The following MRAP2 variants were observed in gnomAD, a reference collection of about 807,000 sequenced individuals.
MRAP2 encodes the protein melanocortin 2 receptor accessory protein 2, also known as melanocortin-2 receptor accessory protein 2.
In MRAP2, 20 loss-of-function variants were observed where a neutral mutation model predicts 17.4. The ratio of observed to expected loss-of-function variants is 1.15; its 90% CI spans 0.81 to 1.67. The LOEUF (loss-of-function observed/expected upper bound fraction) is 1.67. Ranked by LOEUF, MRAP2 falls within the 40% of genes most tolerant of loss-of-function variation. MRAP2 has a pLI of 0.00. For missense variants in MRAP2, 238 were observed against 240.0 expected, an observed-to-expected ratio of 0.99 and a Z score of 0.05; for synonymous variants, 96 against 88.4, an observed-to-expected ratio of 1.09 and a Z score of -0.48.
intron 1 of MRAP2, among the ~76,000 whole-genome samples, chr6:84,049,942 A>G (rs1317274370): frequency 6.6e-6 from 1 of 151,928 alleles, no homozygotes; most frequent in African/African-American, 2.4e-5. Context: ...TGTGGGAAGT[A>G]TGTCCATTTG....
At chr6:84,086,214 G>A (rs900954869) in intron 3 of MRAP2, among the ~76,000 whole-genome samples, 2 of 152,168 alleles carry the variant, frequency 1.3e-5, no homozygotes, top group Non-Finnish European at 2.9e-5. Flanking sequence ...AGAAGACAAA[G>A]TTTTTTAAAG....
chr6:84,067,216 C>A (rs1018522851), intron 3 of MRAP2, among the ~76,000 whole-genome samples: 1 of 152,218 alleles, frequency 6.6e-6, no homozygotes, highest in African/African-American at 2.4e-5. Flanking sequence ...GCTGTTAATT[C>A]ATTCCTTTTT....
chr6:84,062,678 C>G, intron 2 of MRAP2: 5 of 985,350 alleles, frequency 5.1e-6, no homozygotes, highest in Non-Finnish European at 6.0e-6. Context: ...GGCCTAAATC[C>G]CTTCATGCTA....
At chr6:84,111,831 C>T in the MRAP2 span, among the ~76,000 whole-genome samples, 2 of 152,188 alleles carry the variant, frequency 1.3e-5, no homozygotes, top group East Asian at 1.9e-4. Flanking sequence ...TGAATTTTGT[C>T]GAAGGCCTTT....
chr6:84,047,177 G>T (rs2099489257), intron 1 of MRAP2, among the ~76,000 whole-genome samples: 1 of 151,778 alleles, frequency 6.6e-6, no homozygotes, highest in East Asian at 1.9e-4. Context: ...TAAATTATTT[G>T]TATTATTTAA....
the MRAP2 span, among the ~76,000 whole-genome samples, chr6:84,138,108 A>G: frequency 1.9e-3 from 294 of 152,332 alleles, 1 homozygote; most frequent in African/African-American, 6.8e-3. Context: ...AAAACACATA[A>G]GCAATCAAAA....
Position 84,073,167 on chromosome 6 carries a change from C to T in MRAP2, c.227+10175C>T, listed in dbSNP as rs1382448946. On this transcript the variant is annotated intron_variant, in intron 3 of 3. Coordinates refer to ENST00000257776, the MANE Select transcript of MRAP2 (RefSeq NM_138409.4). Reference sequence around the variant, plus strand: ...TCCCTGTGGTGTTTCTCCCCCTGATCCCCTGGCTCCTCTGGCCGCCCTGCC... The same window carrying T: ...TCCCTGTGGTGTTTCTCCCCCTGATTCCCTGGCTCCTCTGGCCGCCCTGCC... Among the ~76,000 whole-genome samples, 5 of 152,318 alleles carry T rather than the reference C, an allele frequency of 3.3e-5. No homozygotes were observed. In the East Asian group the frequency reaches 9.7e-4, roughly 29 times the overall value.
upstream of MRAP2, among the ~76,000 whole-genome samples, chr6:84,033,426 CA>C (rs2099485059): frequency 1.3e-5 from 2 of 152,200 alleles, no homozygotes; most frequent in Admixed American, 6.5e-5. Context: ...AACTTGAACT[CA>C]ATGCTGCCGA....
Position 84,090,204 on chromosome 6 carries a change from G to A in MRAP2, c.*723G>A, listed in dbSNP as rs1466678692. 1 of 152,200 alleles carries A rather than the reference G, an allele frequency of 6.6e-6. No individual in the cohort carries two copies. 9.4% of individuals were successfully genotyped at this position (152,200 alleles called of 1,614,324 possible). A position where few individuals can be genotyped will look rare whatever the true frequency, so the allele number is the denominator to read the frequency against. On this transcript the variant is annotated 3_prime_UTR_variant, in exon 4 of 4. Coordinates refer to ENST00000257776, the MANE Select transcript of MRAP2 (RefSeq NM_138409.4). Reference sequence around the variant, plus strand: ...GCTATACATAAAACAGTATAAACTAGGGTACTGCCTCGTATCTCTTGTAGG... The same window carrying A: ...GCTATACATAAAACAGTATAAACTAAGGTACTGCCTCGTATCTCTTGTAGG...
At chr6:84,116,882 G>T in the MRAP2 span, among the ~76,000 whole-genome samples, 1 of 152,036 alleles carries the variant, frequency 6.6e-6, no homozygotes, top group Non-Finnish European at 1.5e-5. Context: ...TGCTGAATTT[G>T]GTTTGCCAGT....
At chr6:84,062,725 C>T in intron 2 of MRAP2, 168 bp from the exon 3 acceptor site, 1 of 985,352 alleles carries the variant, frequency 1.0e-6, no homozygotes, top group Non-Finnish European at 1.2e-6. Context: ...CAGACTCTTC[C>T]CTCCTCCTCA....
rs1418907866 is a variant in MRAP2 at position 84,063,010 on chromosome 6, C to G, written c.227+18C>G. 10 of 1,613,858 alleles carry G rather than the reference C, an allele frequency of 6.2e-6. No individual in the cohort carries two copies. The highest frequency in any genetic ancestry group is 4.5e-5 in the East Asian group (2 of 44,886). On this transcript the variant is annotated intron_variant, in intron 3 of 3. Transcript: ENST00000257776. The stretch of plus-strand genomic sequence containing the variant: ...CACCAAGAGTAAGTTTGGGCTGTTC[C>G]TAAATGTCTCTTAAGCCTCACAGGA...
chr6:84,098,244 T>A, the MRAP2 span, among the ~76,000 whole-genome samples: 1 of 152,198 alleles, frequency 6.6e-6, no homozygotes, highest in Non-Finnish European at 1.5e-5. Flanking sequence ...TCATTCAGCG[T>A]AATTATTTTG....
chr6:84,052,296 G>A (rs1375898680), intron 1 of MRAP2, among the ~76,000 whole-genome samples: 1 of 152,260 alleles, frequency 6.6e-6, no homozygotes, highest in Admixed American at 6.5e-5. Context: ...AGCACCCCAG[G>A]GAGTGAGGCT....
chr6:84,128,695 CT>C, the MRAP2 span, among the ~76,000 whole-genome samples: 1,240 of 149,540 alleles, frequency 8.3e-3, 4 homozygotes, highest in Middle Eastern at 0.017. Flanking sequence ...AAACATTAAA[CT>C]TTTTTTTTTA....
Position 84,062,881 on chromosome 6 carries a change from ACTGT to A in MRAP2, c.128-9_128-6del, listed in dbSNP as rs2099493539. 6.2e-7 allele frequency: 1 copy of A among 1,613,982 alleles called. No homozygotes were observed. The highest frequency in any genetic ancestry group is 1.3e-5 in the African/African-American group (1 of 74,916). ...CTGTGAAATACTAATCCCAGAATTA[ACTGT>A]CTTTCAGATTCCATTGTGATTGGAT... is the stretch of plus-strand genomic sequence containing the variant. On this transcript the variant is annotated splice_region_variant and splice_polypyrimidine_tract_variant and intron_variant, in intron 2 of 3. Coordinates refer to ENST00000257776, the MANE Select transcript of MRAP2 (RefSeq NM_138409.4).
chr6:84,086,518 G>A (rs899260155), intron 3 of MRAP2, among the ~76,000 whole-genome samples: 6 of 152,206 alleles, frequency 3.9e-5, no homozygotes, highest in African/African-American at 2.4e-5. Context: ...CAACATACAG[G>A]TCCTTTTGTT....
intron 1 of MRAP2, among the ~76,000 whole-genome samples, chr6:84,034,530 G>T (rs1243201518): frequency 8.3e-6 from 1 of 120,160 alleles, no homozygotes; most frequent in Non-Finnish European, 1.7e-5. Flanking sequence ...CGTGCCCCGT[G>T]CCTTTCCCAT....
the MRAP2 span, among the ~76,000 whole-genome samples, chr6:84,131,642 A>T: frequency 6.6e-6 from 1 of 151,224 alleles, no homozygotes; most frequent in East Asian, 1.9e-4. Flanking sequence ...CTTTTTTATC[A>T]GAGACTAGGA....
Sources: gnomAD v4.1 joint callset for allele counts (sites outside exome capture counted in the v4.1 genomes callset) on GRCh38, gnomAD v4.1.1 for gene constraint, MANE v1.5 for transcripts, NCBI Gene and HGNC (gene_info 2026-07-23, HGNC 2026-07-21) for gene names.